The following C13orf46 variants were observed in gnomAD, a reference collection of about 807,000 sequenced individuals.
C13orf46 encodes the protein uncharacterized protein C13orf46.
At chr13:113,967,071 A>G (rs2052657274) in intron 5 of C13orf46, among the ~76,000 whole-genome samples, 1 of 152,124 alleles carries the variant, frequency 6.6e-6, no homozygotes, top group South Asian at 2.1e-4. Flanking sequence ...ACCCATGGGC[A>G]CCTTGAAGGT....
chr13:113,930,094 G>A, the C13orf46 span, among the ~76,000 whole-genome samples: 1 of 152,234 alleles, frequency 6.6e-6, no homozygotes, highest in Non-Finnish European at 1.5e-5. Flanking sequence ...AGCCAGCACT[G>A]GGCTGTGGCC....
the C13orf46 span, among the ~76,000 whole-genome samples, chr13:113,936,348 G>T: frequency 6.6e-6 from 1 of 152,228 alleles, no homozygotes; most frequent in African/African-American, 2.4e-5. Flanking sequence ...TATTGGCCCC[G>T]TGGGGAGCTG....
In C13orf46 at chr13:113,954,338, T is replaced by C. The variant is rs900363961; in HGVS notation, c.*2435A>G. On this transcript the variant is annotated 3_prime_UTR_variant, in exon 7 of 7. Transcript: ENST00000636427. ...TATGTACGAGCATGTATGTGCTGTG[T>C]ACATATGAATATGCACGTGTGCGTG... 4 of 152,344 alleles carry C rather than the reference T, an allele frequency of 2.6e-5. No individual in the cohort carries two copies. The highest frequency in any genetic ancestry group is 6.5e-5 in the Admixed American group (1 of 15,284). 9.4% of individuals were successfully genotyped at this position (152,344 alleles called of 1,614,324 possible).
At chr13:113,940,454 TCTC>T in the C13orf46 span, among the ~76,000 whole-genome samples, 7 of 152,154 alleles carry the variant, frequency 4.6e-5, no homozygotes, top group South Asian at 2.1e-4. Context: ...GGGACCCTGG[TCTC>T]CTCTAGGACT....
Position 113,954,158 on chromosome 13 carries a change from A to G in C13orf46, c.*2615T>C, listed in dbSNP as rs1030241295. On this transcript the variant is annotated 3_prime_UTR_variant, in exon 7 of 7. Transcript: ENST00000636427. ...GAGCTCACCCTCTGGGAGCCTCTGC[A>G]TTATCATGTGCACCACAGGGACGGC... The G allele has an allele frequency of 0.98, 148,983 of 152,364 alleles. 72,844 individuals carry two copies. Among genetic ancestry groups the G allele is most frequent in the Non-Finnish European group, 0.99 (67,047 of 68,058 alleles). 9.4% of individuals were successfully genotyped at this position (152,364 alleles called of 1,614,324 possible). A position where few individuals can be genotyped will look rare whatever the true frequency, so the allele number is the denominator to read the frequency against.
chr13:113,953,285 CCT>C (rs1389424874), downstream of C13orf46, among the ~76,000 whole-genome samples: 1,901 of 152,322 alleles, frequency 0.012, 31 homozygotes, highest in African/African-American at 0.043. Context: ...CGGAAATCTC[CCT>C]GAGGTAGGAA....
the C13orf46 span, among the ~76,000 whole-genome samples, chr13:113,931,210 A>G: frequency 3.9e-5 from 6 of 152,236 alleles, no homozygotes; most frequent in African/African-American, 1.4e-4. Flanking sequence ...TTTACCACAG[A>G]TGACTCATTC....
intron 6 of C13orf46, among the ~76,000 whole-genome samples, chr13:113,958,607 G>A (rs1178788269): frequency 2.0e-5 from 3 of 152,254 alleles, no homozygotes; most frequent in Non-Finnish European, 2.9e-5. Flanking sequence ...CGCCTGTCCA[G>A]GAACCGTGAA....
the C13orf46 span, among the ~76,000 whole-genome samples, chr13:113,930,134 G>C: frequency 1.3e-5 from 2 of 152,208 alleles, no homozygotes; most frequent in Admixed American, 1.3e-4. Flanking sequence ...GGGTCTGCAC[G>C]AGGCTCGGAG....
chr13:113,972,269 G>A (rs930897993), intron 1 of C13orf46, among the ~76,000 whole-genome samples: 1 of 152,220 alleles, frequency 6.6e-6, no homozygotes, highest in African/African-American at 2.4e-5. Context: ...CGTCTTGAGG[G>A]AACCCCGTGG....
At chr13:113,964,599 C>A (rs1035145007) in intron 6 of C13orf46, among the ~76,000 whole-genome samples, 11 of 152,348 alleles carry the variant, frequency 7.2e-5, no homozygotes, top group Non-Finnish European at 1.0e-4. Flanking sequence ...ACCTCTCCCC[C>A]CTCCTTCCTC....
chr13:113,937,760 A>C, the C13orf46 span, among the ~76,000 whole-genome samples: 1 of 152,212 alleles, frequency 6.6e-6, no homozygotes, highest in African/African-American at 2.4e-5. Flanking sequence ...GTAGGTAGAT[A>C]AGAGACAAAC....
At chr13:113,946,463 C>A in the C13orf46 span, among the ~76,000 whole-genome samples, 21 of 152,330 alleles carry the variant, frequency 1.4e-4, no homozygotes, top group Admixed American at 3.3e-4. Context: ...ACACTTGACA[C>A]ACAATGCTGG....
the C13orf46 span, among the ~76,000 whole-genome samples, chr13:113,936,992 C>T: frequency 3.3e-5 from 5 of 152,114 alleles, no homozygotes; most frequent in African/African-American, 4.8e-5. Flanking sequence ...CTCTCGTCCT[C>T]GTAGCCTAGT....
the C13orf46 span, among the ~76,000 whole-genome samples, chr13:113,945,785 G>A: frequency 2.6e-5 from 4 of 152,122 alleles, no homozygotes; most frequent in African/African-American, 9.7e-5. Flanking sequence ...GGGAGGCGTC[G>A]AATCGTCAGT....
chr13:113,936,877 C>T, the C13orf46 span, among the ~76,000 whole-genome samples: 13 of 151,586 alleles, frequency 8.6e-5, no homozygotes, highest in Non-Finnish European at 1.3e-4. Context: ...TTAGGTTCCA[C>T]CGTAGTGACG....
At chr13:113,958,491 T>G (rs914929549) in intron 6 of C13orf46, among the ~76,000 whole-genome samples, 1 of 152,216 alleles carries the variant, frequency 6.6e-6, no homozygotes, top group African/African-American at 2.4e-5. Context: ...TGCCTTTTCC[T>G]GCACACGACG....
chr13:113,945,336 GAGAT>G, the C13orf46 span, among the ~76,000 whole-genome samples: 1 of 152,008 alleles, frequency 6.6e-6, no homozygotes, highest in African/African-American at 2.4e-5. Flanking sequence ...ACGAGGTCAG[GAGAT>G]AGAGACCATC....
chr13:113,952,285 C>T (rs936175297), downstream of C13orf46, among the ~76,000 whole-genome samples: 295 of 145,938 alleles, frequency 2.0e-3, 2 homozygotes, highest in African/African-American at 7.2e-3. Flanking sequence ...CCGCCGCTCC[C>T]GCCTGCCCAG....
Sources: allele counts gnomAD v4.1 joint callset (sites outside exome capture counted in the v4.1 genomes callset), GRCh38; gene constraint gnomAD v4.1.1; transcripts MANE v1.5; gene names NCBI Gene and HGNC (gene_info 2026-07-23, HGNC 2026-07-21).